The following SPAG16 variants were observed in gnomAD, a reference collection of about 807,000 sequenced individuals.
SPAG16 encodes the protein sperm-associated antigen 16 protein.
Under a neutral mutation model 80.4 loss-of-function variants are expected in SPAG16, and 86 were observed. The ratio of observed to expected loss-of-function variants is 1.07; its 90% CI spans 0.90 to 1.28. The LOEUF (loss-of-function observed/expected upper bound fraction) is 1.28. SPAG16 is among the 50% of genes most tolerant of loss of function. The probability of loss-of-function intolerance (pLI) is 0.00; values close to 1 mark genes in which losing one functional copy is unlikely to be tolerated. For missense variants in SPAG16, 870 were observed against 765.3 expected (o/e 1.14, Z -1.61); for synonymous variants, 294 against 265.9 (o/e 1.11, Z -1.03).
At chr2:213,820,030 G>A (rs1461084622) in intron 10 of SPAG16, among the ~76,000 whole-genome samples, 1 of 149,406 alleles carries the variant, frequency 6.7e-6, no homozygotes, top group East Asian at 2.0e-4. Context: ...CACCTGCCTC[G>A]GCCTCCCAAA....
At chr2:214,404,479 TAGGATG>T (rs1474755410) in intron 15 of SPAG16, among the ~76,000 whole-genome samples, 1 of 152,192 alleles carries the variant, frequency 6.6e-6, no homozygotes, top group Non-Finnish European at 1.5e-5. Context: ...TGTGGTATTT[TAGGATG>T]AGGATAACAT....
intron 10 of SPAG16, among the ~76,000 whole-genome samples, chr2:213,796,740 CA>C (rs2071058730): frequency 6.6e-6 from 1 of 152,010 alleles, no homozygotes; most frequent in African/African-American, 2.4e-5. Context: ...ATGTACAATA[CA>C]TAATACTTGA....
chr2:214,385,282 T>C (rs1204054073), intron 15 of SPAG16, among the ~76,000 whole-genome samples: 1 of 152,236 alleles, frequency 6.6e-6, no homozygotes, highest in South Asian at 2.1e-4. Context: ...TCCCTACCTT[T>C]GGGATTAGTG....
At chr2:213,816,046 A>G (rs1258107739) in intron 10 of SPAG16, among the ~76,000 whole-genome samples, 1 of 152,170 alleles carries the variant, frequency 6.6e-6, no homozygotes, top group Non-Finnish European at 1.5e-5. Context: ...CATGAAGTAA[A>G]CCTAGATCAA....
rs1449042675 is a variant in SPAG16, at chr2:213,869,291, A to ATATATGTGTG, written c.1214+6664_1214+6665insATATGTGTGT. Among the ~76,000 whole-genome samples the ATATATGTGTG allele has an allele frequency of 2.0e-3, 251 of 123,248 alleles. 3 individuals carry two copies. The highest frequency in any genetic ancestry group is 2.9e-3 in the Non-Finnish European group (170 of 57,858). 80.9% of individuals were successfully genotyped at this position (123,248 alleles called of 152,430 possible). On this transcript the variant is annotated intron_variant, in intron 11 of 15. Transcript: ENST00000331683. Reference sequence around the variant, plus strand: ...TATATATATATATATGTATATATATATGTATATATATATATAATATGTATA... The same window carrying ATATATGTGTG: ...TATATATATATATATGTATATATATATATATGTGTGTGTATATATATATATAATATGTATA...
chr2:214,339,442 T>C (rs1697514299), intron 15 of SPAG16, among the ~76,000 whole-genome samples: 1 of 152,154 alleles, frequency 6.6e-6, no homozygotes, highest in African/African-American at 2.4e-5. Flanking sequence ...CCACCTGCTG[T>C]TTAAGTCAAA....
chr2:213,814,470 T>C (rs761722310), intron 10 of SPAG16, among the ~76,000 whole-genome samples: 3 of 152,230 alleles, frequency 2.0e-5, no homozygotes, highest in Non-Finnish European at 2.9e-5. Flanking sequence ...CAATGGTCAG[T>C]ATCAGAAAGG....
At chr2:214,328,682 G>T (rs1343585581) in intron 15 of SPAG16, among the ~76,000 whole-genome samples, 1 of 152,076 alleles carries the variant, frequency 6.6e-6, no homozygotes, top group African/African-American at 2.4e-5. Flanking sequence ...AGTTCAAAAT[G>T]CACATGAGAA....
intron 15 of SPAG16, among the ~76,000 whole-genome samples, chr2:214,255,816 G>C (rs977926497): frequency 2.0e-5 from 3 of 151,898 alleles, no homozygotes; most frequent in African/African-American, 7.2e-5. Context: ...TTATTTCTGA[G>C]TAGTATTCTA....
chr2:213,763,781 T>G (rs2068787665), intron 10 of SPAG16, among the ~76,000 whole-genome samples: 1 of 152,232 alleles, frequency 6.6e-6, no homozygotes, highest in Non-Finnish European at 1.5e-5. Flanking sequence ...TGCCAAGATC[T>G]GGATGACCGT....
At chr2:214,290,238 T>C (rs901026507) in intron 15 of SPAG16, among the ~76,000 whole-genome samples, 1 of 152,308 alleles carries the variant, frequency 6.6e-6, no homozygotes, top group South Asian at 2.1e-4. Flanking sequence ...GATGATCTTT[T>C]GTATTTTGTT....
intron 9 of SPAG16, among the ~76,000 whole-genome samples, chr2:213,455,760 C>T (rs1288611380): frequency 2.6e-5 from 4 of 152,172 alleles, no homozygotes; most frequent in African/African-American, 9.7e-5. Context: ...AGTCAAAGCT[C>T]AAGTGGTAAT....
chr2:214,108,483 C>CCCA (rs1553719356), intron 14 of SPAG16, among the ~76,000 whole-genome samples: 115 of 127,252 alleles, frequency 9.0e-4, no homozygotes, highest in East Asian at 7.2e-3. Flanking sequence ...ACACACACCC[C>CCCA]CACACACACC....
chr2:213,657,851 T>C (rs1405323084), intron 10 of SPAG16, among the ~76,000 whole-genome samples: 1 of 152,178 alleles, frequency 6.6e-6, no homozygotes, highest in Non-Finnish European at 1.5e-5. Flanking sequence ...AGAAGAATGA[T>C]TAGTAGAGGT....
At chr2:213,304,821 C>T (rs6435766) in intron 3 of SPAG16, among the ~76,000 whole-genome samples, 148,488 of 152,284 alleles carry the variant, frequency 0.98, 72,499 homozygotes, top group East Asian at 1. Flanking sequence ...CGTGCAGTTT[C>T]CTTCTTGTTC....
At chr2:214,397,158 CTT>C (rs66580402) in intron 15 of SPAG16, among the ~76,000 whole-genome samples, 7 of 129,936 alleles carry the variant, frequency 5.4e-5, no homozygotes, top group Admixed American at 8.3e-5. Flanking sequence ...TTTTAATTTT[CTT>C]TTTTTTTTTT....
intron 14 of SPAG16, among the ~76,000 whole-genome samples, chr2:214,138,169 A>G (rs995341708): frequency 1.3e-5 from 2 of 152,156 alleles, no homozygotes; most frequent in African/African-American, 4.8e-5. Context: ...AGGAATGGCC[A>G]AAGGAAAATG....
chr2:213,359,070 G>A (rs1038540012), intron 7 of SPAG16, among the ~76,000 whole-genome samples: 15 of 152,250 alleles, frequency 9.9e-5, no homozygotes, highest in African/African-American at 1.7e-4. Context: ...TGTTTGCCTC[G>A]CTATCACCAG....
chr2:214,254,266 A>C (rs141204183), intron 15 of SPAG16, among the ~76,000 whole-genome samples: 2,472 of 152,246 alleles, frequency 0.016, 42 homozygotes, highest in African/African-American at 0.037. Flanking sequence ...TCCTGTTTGA[A>C]TGCCCTTTAT....
Sources: allele counts gnomAD v4.1 joint callset (sites outside exome capture counted in the v4.1 genomes callset), GRCh38; gene constraint gnomAD v4.1.1; transcripts MANE v1.5; gene names NCBI Gene and HGNC (gene_info 2026-07-23, HGNC 2026-07-21).